SCGN: variants seen among roughly 807,000 people sequenced by gnomAD.
SCGN encodes secretagogin, EF-hand calcium binding protein.
In SCGN, 30 loss-of-function variants were observed where a neutral mutation model predicts 39.7. The ratio of observed to expected loss-of-function variants is 0.76; its 90% CI spans 0.57 to 1.03. SCGN has a LOEUF of 1.03. Ranked by LOEUF, SCGN falls within the 50% of genes least tolerant of loss-of-function variation. SCGN has a pLI of 0.00. For missense variants in SCGN, 353 were observed against 349.4 expected (o/e 1.01, Z -0.08); for synonymous variants, 106 against 114.1 (o/e 0.93, Z 0.45).
At chr6:25,657,884 T>C (rs1025081791) in intron 2 of SCGN, among the ~76,000 whole-genome samples, 1 of 151,160 alleles carries the variant, frequency 6.6e-6, no homozygotes, top group East Asian at 1.9e-4. Context: ...AGACTTGCTC[T>C]GTCTTAGACA....
At chr6:25,700,798 A>AT (rs986556829) in intron 10 of SCGN, among the ~76,000 whole-genome samples, 21 of 151,578 alleles carry the variant, frequency 1.4e-4, no homozygotes, top group South Asian at 6.2e-4. Context: ...CAGTATAACC[A>AT]TTTTTTTTTA....
chr6:25,660,162 T>G (rs1438915015), intron 2 of SCGN, among the ~76,000 whole-genome samples: 1 of 152,212 alleles, frequency 6.6e-6, no homozygotes, highest in East Asian at 1.9e-4. Flanking sequence ...TTAAAGAGCA[T>G]GGCTTAGTGC....
chr6:25,655,014 G>C (rs759437390), intron 2 of SCGN, among the ~76,000 whole-genome samples: 7 of 152,176 alleles, frequency 4.6e-5, no homozygotes, highest in Non-Finnish European at 8.8e-5. Flanking sequence ...CCACTTTCAC[G>C]TGCTAGCAGC....
At chr6:25,680,915 T>A (rs1159791781) in intron 6 of SCGN, among the ~76,000 whole-genome samples, 1 of 152,216 alleles carries the variant, frequency 6.6e-6, no homozygotes, top group African/African-American at 2.4e-5. Flanking sequence ...GACTAATGCA[T>A]TTTTTAAAGC....
intron 7 of SCGN, among the ~76,000 whole-genome samples, chr6:25,683,209 T>A (rs1288674964): frequency 6.6e-6 from 1 of 152,204 alleles, no homozygotes; most frequent in African/African-American, 2.4e-5. Flanking sequence ...TCGCCTCTGC[T>A]CCCTGGATCC....
At chr6:25,668,518 G>A (rs535701429) in intron 4 of SCGN, among the ~76,000 whole-genome samples, 1 of 152,332 alleles carries the variant, frequency 6.6e-6, no homozygotes, top group Admixed American at 6.5e-5. Flanking sequence ...ATTTCTTAGA[G>A]GACTTTTCTG....
At chr6:25,687,165 T>C (rs933756622) in intron 7 of SCGN, among the ~76,000 whole-genome samples, 1 of 152,184 alleles carries the variant, frequency 6.6e-6, no homozygotes, top group Non-Finnish European at 1.5e-5. Context: ...GTTTTGGCTA[T>C]CCTGGTTCAT....
chr6:25,653,746 C>T (rs1760176295), intron 2 of SCGN, among the ~76,000 whole-genome samples: 1 of 152,196 alleles, frequency 6.6e-6, no homozygotes, highest in African/African-American at 2.4e-5. Context: ...GGTTATGTCT[C>T]TGCTAATTGA....
intron 2 of SCGN, among the ~76,000 whole-genome samples, chr6:25,654,859 A>G (rs1255377220): frequency 3.3e-5 from 5 of 152,142 alleles, no homozygotes; most frequent in Admixed American, 6.5e-5. Flanking sequence ...AGCAGACGAG[A>G]AGGATAGAGA....
At chr6:25,659,794 A>G (rs1032186183) in intron 2 of SCGN, among the ~76,000 whole-genome samples, 2 of 149,494 alleles carry the variant, frequency 1.3e-5, no homozygotes, top group African/African-American at 5.1e-5. Flanking sequence ...GTGCCAGGCT[A>G]AAGTGTTTTA....
intron 7 of SCGN, among the ~76,000 whole-genome samples, chr6:25,685,587 A>G (rs189987994): frequency 6.6e-6 from 1 of 152,202 alleles, no homozygotes; most frequent in Admixed American, 6.5e-5. Flanking sequence ...ATATATCCTC[A>G]TGACTATGAA....
chr6:25,689,521 T>A lies in SCGN; in HGVS notation c.622T>A (p.Tyr208Asn). Residue 208 changes from tyrosine to asparagine, a missense_variant, in exon 9 of 11, where the codon TAC becomes AAC. Tyr to Asn is a moderately radical substitution (Grantham distance 143). Transcript: ENST00000377961. Reference protein sequence around the residue: ...RKRDFEKIFAYYDVSKTGALE... With the variant: ...RKRDFEKIFANYDVSKTGALE... ...AAGGGACTTTGAGAAAATCTTTGCC[T>A]ACTATGATGTTGTAAGTGTGCGTCT... 1 of 1,613,732 alleles carries A rather than the reference T, an allele frequency of 6.2e-7. No individual in the cohort carries two copies. The highest frequency in any genetic ancestry group is 1.1e-5 in the South Asian group (1 of 91,058).
intron 10 of SCGN, among the ~76,000 whole-genome samples, chr6:25,692,263 G>A (rs1054083449): frequency 3.3e-5 from 5 of 152,194 alleles, no homozygotes; most frequent in African/African-American, 1.2e-4. Context: ...TAGAAACTGA[G>A]CAATTATCTA....
chr6:25,678,837 G>A (rs1327344971), intron 6 of SCGN: 2 of 154,692 alleles, frequency 1.3e-5, no homozygotes, highest in Admixed American at 6.6e-5. Context: ...GGCCTTCTCC[G>A]CAGCTGTCAG....
intron 10 of SCGN, among the ~76,000 whole-genome samples, chr6:25,698,775 GT>G (rs1378235268): frequency 6.6e-6 from 1 of 152,186 alleles, no homozygotes; most frequent in African/African-American, 2.4e-5. Flanking sequence ...AGTTGATCAA[GT>G]TTATCTTCTG....
chr6:25,681,370 T>C (rs1385675057), intron 6 of SCGN, among the ~76,000 whole-genome samples: 1 of 152,202 alleles, frequency 6.6e-6, no homozygotes, highest in Admixed American at 6.5e-5. Context: ...ATAAAATAGT[T>C]TCAGAAAACC....
At chr6:25,685,008 G>A (rs2151381572) in intron 7 of SCGN, among the ~76,000 whole-genome samples, 1 of 152,084 alleles carries the variant, frequency 6.6e-6, no homozygotes, top group East Asian at 1.9e-4. Flanking sequence ...GGAAGAGGGA[G>A]GCAGAAGGTC....
chr6:25,684,077 G>A (rs988656415), intron 7 of SCGN, among the ~76,000 whole-genome samples: 1 of 152,122 alleles, frequency 6.6e-6, no homozygotes, highest in African/African-American at 2.4e-5. Context: ...TGCTAGTTGT[G>A]CCCCCTTTAT....
intron 7 of SCGN, among the ~76,000 whole-genome samples, chr6:25,684,802 C>G (rs1235045223): frequency 6.6e-6 from 1 of 151,726 alleles, no homozygotes; most frequent in Non-Finnish European, 1.5e-5. Context: ...GAGCAAGATT[C>G]TATCTCAAAA....
Sources: gnomAD v4.1 joint callset for allele counts (sites outside exome capture counted in the v4.1 genomes callset) on GRCh38, gnomAD v4.1.1 for gene constraint, MANE v1.5 for transcripts, NCBI Gene and HGNC (gene_info 2026-07-23, HGNC 2026-07-21) for gene names.